The following CNTNAP2 variants were observed in gnomAD, a reference collection of about 807,000 sequenced individuals.
CNTNAP2 encodes contactin-associated protein-like 2.
A neutral mutation model predicts 155.2 loss-of-function variants in CNTNAP2; 98 were observed. The ratio of observed to expected loss-of-function variants is 0.63; its 90% CI spans 0.54 to 0.75. The LOEUF (loss-of-function observed/expected upper bound fraction) is 0.75. CNTNAP2 is among the 30% of genes least tolerant of loss of function. CNTNAP2 has a pLI of 0.00. For synonymous variants in CNTNAP2, 651 were observed against 631.2 expected, an observed-to-expected ratio of 1.03 and a Z score of -0.47; for missense variants, 1,727 against 1,688.1, an observed-to-expected ratio of 1.02 and a Z score of -0.40.
At chr7:148,243,206 C>T (rs1181334824) in intron 20 of CNTNAP2, among the ~76,000 whole-genome samples, 1 of 152,190 alleles carries the variant, frequency 6.6e-6, no homozygotes, top group Non-Finnish European at 1.5e-5. Context: ...CGATCTGACT[C>T]CTGGTCTCCT....
At chr7:147,451,235 TAG>T (rs1797828306) in intron 10 of CNTNAP2, among the ~76,000 whole-genome samples, 1 of 152,152 alleles carries the variant, frequency 6.6e-6, no homozygotes, top group South Asian at 2.1e-4. Flanking sequence ...TCTGGAGCCA[TAG>T]AGTCTCCTTG....
intron 9 of CNTNAP2, among the ~76,000 whole-genome samples, chr7:147,301,245 T>C (rs1194114148): frequency 6.6e-6 from 1 of 152,196 alleles, no homozygotes. Context: ...ATAAACTCTA[T>C]GTGTGAAAAA....
intron 2 of CNTNAP2, among the ~76,000 whole-genome samples, chr7:146,782,013 G>A (rs1035709703): frequency 3.3e-5 from 5 of 152,102 alleles, no homozygotes; most frequent in African/African-American, 1.2e-4. Context: ...ACAGTAGGCG[G>A]TATTCTTAAC....
At chr7:146,352,791 G>A (rs1367157513) in intron 1 of CNTNAP2, among the ~76,000 whole-genome samples, 16 of 102,230 alleles carry the variant, frequency 1.6e-4, no homozygotes, top group African/African-American at 5.9e-4. Context: ...GTCTCTCTCT[G>A]TCGCCCAGGC....
intron 7 of CNTNAP2, 135 bp downstream of exon 7, chr7:147,128,971 C>T (rs1323241678): frequency 9.2e-7 from 1 of 1,092,370 alleles, no homozygotes; most frequent in Non-Finnish European, 1.4e-6. Flanking sequence ...GTAAAACAAA[C>T]ATTAGAGTTA....
At chr7:147,632,215 A>G (rs1232940432) in intron 12 of CNTNAP2, among the ~76,000 whole-genome samples, 1 of 152,188 alleles carries the variant, frequency 6.6e-6, no homozygotes. Context: ...GACAACAAAC[A>G]TATGAAAACA....
At chr7:146,904,771 G>T (rs965351847) in intron 3 of CNTNAP2, among the ~76,000 whole-genome samples, 13 of 152,108 alleles carry the variant, frequency 8.5e-5, no homozygotes, top group Non-Finnish European at 1.5e-4. Flanking sequence ...GCGTCCGGCC[G>T]AGAATTCATC....
chr7:146,340,247 A>G (rs1801357188), intron 1 of CNTNAP2, among the ~76,000 whole-genome samples: 1 of 148,276 alleles, frequency 6.7e-6, no homozygotes, highest in Non-Finnish European at 1.5e-5. Flanking sequence ...ATTTTAACTC[A>G]GGAGACAGGA....
chr7:146,980,749 G>A (rs1798000423), intron 3 of CNTNAP2, among the ~76,000 whole-genome samples: 1 of 152,136 alleles, frequency 6.6e-6, no homozygotes, highest in Non-Finnish European at 1.5e-5. Flanking sequence ...AACTATTCAT[G>A]ATCCCTTGTA....
chr7:147,467,555 T>A (rs1427090049), intron 10 of CNTNAP2, among the ~76,000 whole-genome samples: 1 of 152,166 alleles, frequency 6.6e-6, no homozygotes, highest in Non-Finnish European at 1.5e-5. Context: ...GAGGAAGTAT[T>A]GAAAGGTCAC....
At chr7:146,406,656 G>T (rs972734699) in intron 1 of CNTNAP2, among the ~76,000 whole-genome samples, 1 of 152,128 alleles carries the variant, frequency 6.6e-6, no homozygotes, top group East Asian at 1.9e-4. Flanking sequence ...GGACAAAGGG[G>T]TTTCAGGCTT....
At chr7:148,267,273 T>C in intron 21 of CNTNAP2, 147 bp downstream of exon 21, 2 of 739,380 alleles carry the variant, frequency 2.7e-6, no homozygotes, top group Non-Finnish European at 4.7e-6. Flanking sequence ...GTGGTTGTTC[T>C]CGGTGTTGCA....
Position 148,221,061 on chromosome 7 carries a change from G to A in CNTNAP2, c.3247+3537G>A, listed in dbSNP as rs565716211. On this transcript the variant is annotated intron_variant, in intron 19 of 23. Transcript: ENST00000361727. ...CTAGATTTGGTCCTCAACTGTATTC[G>A]CTACCTCACATGCCCACTGCTACAC... 5.9e-5 allele frequency among the ~76,000 whole-genome samples: 9 copies of A among 151,980 alleles called. No individual in the cohort carries two copies. The South Asian group carries it at 1.5e-3, about 25-fold the overall frequency.
intron 1 of CNTNAP2, among the ~76,000 whole-genome samples, chr7:146,187,018 C>T (rs1174755080): frequency 6.6e-6 from 1 of 152,168 alleles, no homozygotes; most frequent in Non-Finnish European, 1.5e-5. Context: ...TCTTAAAACA[C>T]TCATTGCAGT....
intron 1 of CNTNAP2, among the ~76,000 whole-genome samples, chr7:146,454,331 A>T (rs1353851722): frequency 2.6e-5 from 4 of 152,194 alleles, no homozygotes; most frequent in African/African-American, 9.7e-5. Flanking sequence ...GGTAGGTGAC[A>T]TATAACAAAT....
intron 1 of CNTNAP2, among the ~76,000 whole-genome samples, chr7:146,772,991 A>G (rs1157707165): frequency 3.3e-5 from 5 of 152,168 alleles, no homozygotes; most frequent in Non-Finnish European, 5.9e-5. Flanking sequence ...TGGAAGCTGT[A>G]TGTGCCCTAT....
intron 3 of CNTNAP2, among the ~76,000 whole-genome samples, chr7:146,847,277 A>G (rs1585120170): frequency 6.6e-6 from 1 of 152,304 alleles, no homozygotes; most frequent in East Asian, 1.9e-4. Flanking sequence ...ACAGTAAATC[A>G]TGCTTCTTAT....
At chr7:148,211,263 C>A (rs1181963671) in intron 18 of CNTNAP2, among the ~76,000 whole-genome samples, 1 of 152,216 alleles carries the variant, frequency 6.6e-6, no homozygotes, top group Non-Finnish European at 1.5e-5. Flanking sequence ...TTAGCAGAAG[C>A]TGCACAGAGC....
intron 1 of CNTNAP2, among the ~76,000 whole-genome samples, chr7:146,269,229 A>C (rs2129083020): frequency 6.6e-6 from 1 of 152,256 alleles, no homozygotes; most frequent in African/African-American, 2.4e-5. Flanking sequence ...GGTCCCAGGC[A>C]CTTGGGAGGC....
Sources: gnomAD v4.1 joint callset for allele counts (sites outside exome capture counted in the v4.1 genomes callset) on GRCh38, gnomAD v4.1.1 for gene constraint, MANE v1.5 for transcripts, NCBI Gene and HGNC (gene_info 2026-07-23, HGNC 2026-07-21) for gene names.